The following CADM2 variants were observed in gnomAD, a reference collection of about 807,000 sequenced individuals.
The protein encoded by CADM2 is immunoglobulin superfamily member 4D.
A neutral mutation model predicts 49.8 loss-of-function variants in CADM2; 12 were observed. That is an observed-to-expected ratio of 0.24 (90% CI 0.15 to 0.39). CADM2 has a LOEUF of 0.39. Among genes scored for constraint, CADM2 ranks in the 10% least tolerant of loss-of-function variants. CADM2 has a pLI of 1.00. For synonymous variants in CADM2, 214 were observed against 175.4 expected (o/e 1.22, Z -1.74); for missense variants, 378 against 492.3 (o/e 0.77, Z 2.20).
chr3:85,482,734 G>A lies in CADM2; in HGVS notation c.62-243788G>A, dbSNP rs75131411. Reference sequence around the variant, plus strand: ...CATGAAGGGCATTTTAAACTAGAGAGTACATTTCTAACCTTTATATTCTAC... The same window carrying A: ...CATGAAGGGCATTTTAAACTAGAGAATACATTTCTAACCTTTATATTCTAC... On this transcript the variant is annotated intron_variant, in intron 1 of 9. Coordinates refer to ENST00000383699, the MANE Select transcript of CADM2 (RefSeq NM_001167675.2). Among the ~76,000 whole-genome samples the A allele has an allele frequency of 1.8e-3, 279 of 151,552 alleles. 3 individuals are homozygous for A. In the East Asian group the frequency reaches 0.047, roughly 25 times the overall value.
chr3:85,629,838 G>T (rs1358999385), intron 1 of CADM2, among the ~76,000 whole-genome samples: 1 of 151,928 alleles, frequency 6.6e-6, no homozygotes, highest in Non-Finnish European at 1.5e-5. Context: ...GAGCAGATTG[G>T]TTAAACTACT....
At chr3:85,447,678 G>C (rs139466814) in intron 1 of CADM2, among the ~76,000 whole-genome samples, 13 of 152,272 alleles carry the variant, frequency 8.5e-5, no homozygotes, top group Admixed American at 5.2e-4. Flanking sequence ...CCCCTGTGCT[G>C]TGACTAGGCA....
At chr3:85,355,387 T>C (rs72905414) in intron 1 of CADM2, among the ~76,000 whole-genome samples, 6,057 of 152,206 alleles carry the variant, frequency 0.04, 415 homozygotes, top group African/African-American at 0.14. Context: ...AACTCAATTT[T>C]TAAGGTTACT....
At chr3:85,620,226 A>G (rs1671956727) in intron 1 of CADM2, among the ~76,000 whole-genome samples, 1 of 152,150 alleles carries the variant, frequency 6.6e-6, no homozygotes, top group South Asian at 2.1e-4. Context: ...TTACTGTTTA[A>G]AACACAGAAC....
intron 3 of CADM2, among the ~76,000 whole-genome samples, chr3:85,850,350 A>T (rs2075054157): frequency 8.8e-6 from 1 of 113,936 alleles, no homozygotes. Context: ...TTTGAGACAG[A>T]GTCTCGCTCC....
At chr3:85,909,040 G>T (rs1717202251) in intron 5 of CADM2, among the ~76,000 whole-genome samples, 1 of 152,026 alleles carries the variant, frequency 6.6e-6, no homozygotes, top group Non-Finnish European at 1.5e-5. Context: ...TGTGATTTTT[G>T]AGGGAAAATT....
chr3:85,741,138 G>C (rs1433209782), intron 2 of CADM2, among the ~76,000 whole-genome samples: 1 of 152,150 alleles, frequency 6.6e-6, no homozygotes, highest in African/African-American at 2.4e-5. Flanking sequence ...TCCAGGCAAA[G>C]AAGAGGTTAA....
chr3:85,027,450 G>C (rs1379282068), intron 1 of CADM2, among the ~76,000 whole-genome samples: 1 of 151,856 alleles, frequency 6.6e-6, no homozygotes, highest in African/African-American at 2.4e-5. Flanking sequence ...TAAGTAGTTA[G>C]AATAACTGAG....
chr3:85,448,884 A>G (rs1229737525), intron 1 of CADM2, among the ~76,000 whole-genome samples: 2 of 151,694 alleles, frequency 1.3e-5, no homozygotes, highest in Non-Finnish European at 2.9e-5. Context: ...CCCCGCCTCT[A>G]CTAAAAATAC....
At chr3:85,728,718 G>T (rs2067808925) in intron 2 of CADM2, among the ~76,000 whole-genome samples, 1 of 152,154 alleles carries the variant, frequency 6.6e-6, no homozygotes, top group Admixed American at 6.6e-5. Context: ...AATGTGGAAA[G>T]TTTCTGGAAT....
chr3:85,291,509 A>G (rs1201956898), intron 1 of CADM2, among the ~76,000 whole-genome samples: 2 of 147,722 alleles, frequency 1.4e-5, no homozygotes, highest in Admixed American at 1.3e-4. Context: ...AGTTGAAATG[A>G]AGGAAAAAAT....
intron 1 of CADM2, among the ~76,000 whole-genome samples, chr3:85,595,629 A>C (rs1355433815): frequency 6.6e-6 from 1 of 152,016 alleles, no homozygotes; most frequent in African/African-American, 2.4e-5. Flanking sequence ...TTTATATCCT[A>C]GATTATAATT....
intron 2 of CADM2, among the ~76,000 whole-genome samples, chr3:85,747,554 A>T (rs2068667226): frequency 6.6e-6 from 1 of 152,112 alleles, no homozygotes; most frequent in Admixed American, 6.6e-5. Context: ...AGAGGCAGAG[A>T]ATCAACCCAT....
intron 1 of CADM2, among the ~76,000 whole-genome samples, chr3:85,250,139 A>G (rs1251949530): frequency 6.6e-6 from 1 of 151,714 alleles, no homozygotes; most frequent in Admixed American, 6.6e-5. Flanking sequence ...TGTTTTATTA[A>G]CATTTAGGAA....
chr3:85,393,711 A>G (rs1315010625), intron 1 of CADM2, among the ~76,000 whole-genome samples: 9 of 152,162 alleles, frequency 5.9e-5, no homozygotes, highest in Admixed American at 3.9e-4. Context: ...ACCTTGTAAG[A>G]TTCGAGATAG....
At chr3:85,106,124 A>C (rs755759056) in intron 1 of CADM2, among the ~76,000 whole-genome samples, 2 of 152,146 alleles carry the variant, frequency 1.3e-5, no homozygotes, top group Non-Finnish European at 2.9e-5. Flanking sequence ...TAAAATAAAG[A>C]AAGCTGTTCA....
chr3:85,218,163 A>AC (rs1416074268), intron 1 of CADM2, among the ~76,000 whole-genome samples: 1 of 152,152 alleles, frequency 6.6e-6, no homozygotes, highest in Non-Finnish European at 1.5e-5. Flanking sequence ...TTTTTAAAAA[A>AC]AATTATAAAA....
intron 1 of CADM2, among the ~76,000 whole-genome samples, chr3:85,087,696 T>C (rs2037435165): frequency 6.6e-6 from 1 of 152,186 alleles, no homozygotes; most frequent in Non-Finnish European, 1.5e-5. Context: ...ATTTGAAAGT[T>C]TTCCCATATT....
intron 1 of CADM2, among the ~76,000 whole-genome samples, chr3:85,093,582 G>A (rs896255078): frequency 1.1e-4 from 17 of 151,728 alleles, no homozygotes; most frequent in Admixed American, 6.6e-5. Flanking sequence ...TATGAGATTT[G>A]TAAGCTATTG....
Sources: allele counts gnomAD v4.1 joint callset (sites outside exome capture counted in the v4.1 genomes callset), GRCh38; gene constraint gnomAD v4.1.1; transcripts MANE v1.5; gene names NCBI Gene and HGNC (gene_info 2026-07-23, HGNC 2026-07-21).